The following MKI67 variants were observed in gnomAD, a reference collection of about 807,000 sequenced individuals.
MKI67 encodes the protein marker of proliferation Ki-67, also known as proliferation marker protein Ki-67.
A neutral mutation model predicts 233.5 loss-of-function variants in MKI67; 152 were observed. The observed-to-expected ratio is 0.65, with a 90% CI of 0.57 to 0.74. The LOEUF is 0.74. Ranked by LOEUF, MKI67 falls within the 30% of genes least tolerant of loss-of-function variation. The pLI is 0.00. For synonymous variants in MKI67, 1,465 were observed against 1,418.5 expected (o/e 1.03, Z -0.74); for missense variants, 3,940 against 3,885.2 (o/e 1.01, Z -0.37).
Position 128,098,031 on chromosome 10 carries a change from C to A in MKI67, c.*1159G>T, listed in dbSNP as rs1484082349. 1 of 152,242 alleles carries A rather than the reference C, an allele frequency of 6.6e-6. No individual in the cohort carries two copies. Among genetic ancestry groups the A allele is most frequent in the African/African-American group, 2.4e-5 (1 of 41,462 alleles). 9.4% of individuals were successfully genotyped at this position (152,242 alleles called of 1,614,324 possible). ...TACCCTGTCTGGTGCACCATCCTCA[C>A]CTGCACCTGGCAAGGTGGGTGAATG... On this transcript the variant is annotated 3_prime_UTR_variant, in exon 15 of 15. Coordinates refer to ENST00000368654, the MANE Select transcript of MKI67 (RefSeq NM_002417.5).
In MKI67 at chr10:128,112,237, C is replaced by A; in HGVS notation, c.1865G>T (p.Gly622Val). Residue 622 changes from glycine (G) to valine (V), a missense_variant, in exon 9 of 15, where the codon GGC becomes GTC. Physicochemically the swap from Gly to Val is moderately radical, Grantham distance 109 (BLOSUM62 -3). Coordinates refer to ENST00000368654, the MANE Select transcript of MKI67 (RefSeq NM_002417.5). ...AGACACTCTCTTTGAAGGCAGGTTG[C>A]CACTCTTTCTCCCTCCTCTCTTAGG... ...EVPKRGGRKS[G>V]NLPSKRVSIS... 3 of 1,614,120 alleles carry A rather than the reference C, an allele frequency of 1.9e-6. No homozygotes were observed. Among genetic ancestry groups the A allele is most frequent in the African/African-American group, 2.7e-5 (2 of 75,030 alleles).
rs1272256528 is a variant in MKI67, at chr10:128,103,025, C to T, written c.8815G>A (p.Ala2939Thr). The T allele has an allele frequency of 1.2e-6, 2 of 1,614,268 alleles. No homozygotes were observed. The highest frequency in any genetic ancestry group is 1.7e-6 in the Non-Finnish European group (2 of 1,180,044). ...GHTEELANGA[A>T]DSFTSAPKQT... ...TTTGGAGCGCTTGTAAAGCTATCAG[C>T]AGCACCATTTGCCAGTTCCTCAGTG... is the stretch of plus-strand genomic sequence containing the variant. The change falls in exon 13 of 15, where the codon GCT becomes ACT. Residue 2939 changes from alanine (A) to threonine (T), a missense_variant. Transcript: ENST00000368654.
At chr10:128,101,183 C>T in intron 14 of MKI67, 75 bp downstream of exon 14, 20 of 1,450,452 alleles carry the variant, frequency 1.4e-5, no homozygotes, top group Admixed American at 1.2e-4. Flanking sequence ...TTTTTGTTTG[C>T]CTTTGCAACC....
chr10:128,118,812 T>C (rs1852864443), intron 5 of MKI67, among the ~76,000 whole-genome samples: 1 of 152,226 alleles, frequency 6.6e-6, no homozygotes, highest in African/African-American at 2.4e-5. Flanking sequence ...ATGGGTCGTC[T>C]ATCTATCAAA....
Position 128,107,433 on chromosome 10 carries a change from G to T in MKI67, c.4407C>A (p.Gly1469=). The T allele has an allele frequency of 6.2e-7, 1 of 1,614,132 alleles. No homozygotes were observed. Among genetic ancestry groups the T allele is most frequent in the Non-Finnish European group, 8.5e-7 (1 of 1,180,020 alleles). ...EKAQPLEDLA[G]LKELFQTPVC... The stretch of plus-strand genomic sequence containing the variant: ...CTGGTGTCTGGAAGAGCTCTTTCAA[G>T]CCAGCCAGGTCTTCTAGGGGTTGGG... The change falls in exon 13 of 15, where the codon GGC becomes GGA. Residue 1469 remains glycine, a synonymous_variant. Coordinates refer to ENST00000368654, the MANE Select transcript of MKI67 (RefSeq NM_002417.5).
In MKI67 at chr10:128,125,567, G is replaced by C. The variant is rs1853037295; in HGVS notation, c.92+9C>G. On this transcript the variant is annotated intron_variant, in intron 2 of 14. Coordinates refer to ENST00000368654, the MANE Select transcript of MKI67 (RefSeq NM_002417.5). The surrounding 1 kb of genome is among the most constrained non-coding windows in gnomAD (Gnocchi z 5.3). ...AGCTAAAACGTCCGCGCGCGCCCGC[G>C]GGGCTCACCTTCCAAACAAGCAGGT... The C allele has an allele frequency of 6.2e-7, 1 of 1,610,880 alleles. No individual in the cohort carries two copies. Among genetic ancestry groups the C allele is most frequent in the Non-Finnish European group, 8.5e-7 (1 of 1,178,468 alleles).
chr10:128,110,317 A>G, intron 12 of MKI67, 61 bp downstream of exon 12: 1 of 1,323,244 alleles, frequency 7.6e-7, no homozygotes, highest in Non-Finnish European at 1.0e-6. Context: ...TGCTTGTAAA[A>G]AAATAATACT....
In MKI67 at chr10:128,123,189, G is replaced by GT. The variant is rs763026097; in HGVS notation, c.93-21dup. 21 of 1,573,956 alleles carry GT rather than the reference G, an allele frequency of 1.3e-5. No homozygotes were observed. The highest frequency in any genetic ancestry group is 8.1e-5 in the African/African-American group (6 of 74,054). ...ATACCCCTTCATGCAAAAGAAGAAG[G>GT]TTTTTTTGGTTGCTGCAACTTTTTA... On this transcript the variant is annotated intron_variant, in intron 2 of 14. Coordinates refer to ENST00000368654, the MANE Select transcript of MKI67 (RefSeq NM_002417.5).
intron 5 of MKI67, among the ~76,000 whole-genome samples, chr10:128,118,809 G>A (rs189156123): frequency 4.1e-4 from 62 of 152,234 alleles, no homozygotes; most frequent in African/African-American, 1.3e-3. Context: ...TTCATGGGTC[G>A]TCTATCTATC....
chr10:128,108,507 T>G lies in MKI67; in HGVS notation c.3333A>C (p.Thr1111=). Residue 1111 remains threonine (T), a synonymous_variant, in exon 13 of 15, where the codon ACA becomes ACC. Coordinates refer to ENST00000368654, the MANE Select transcript of MKI67 (RefSeq NM_002417.5). Reference sequence around the variant, plus strand: ...TCATTGATTCCTCAGAGGGACCTGGTGTCTGGAAGAGCTCTTTGAAGCCAG... The same window carrying G: ...TCATTGATTCCTCAGAGGGACCTGGGGTCTGGAAGAGCTCTTTGAAGCCAG... ...DLAGFKELFQ[T]PGPSEESMTD... The G allele has an allele frequency of 1.9e-6, 3 of 1,610,414 alleles. No individual in the cohort carries two copies. Among genetic ancestry groups the G allele is most frequent in the Non-Finnish European group, 2.5e-6 (3 of 1,178,868 alleles).
In MKI67 at chr10:128,115,059, G is replaced by A. The variant is rs373888551; in HGVS notation, c.1349C>T (p.Thr450Ile). 1.3e-4 allele frequency: 203 copies of A among 1,613,590 alleles called. 1 individual carries two copies. The South Asian group carries it at 1.6e-3, about 13-fold the overall frequency. The change falls in exon 7 of 15, where the codon ACT becomes ATT. Residue 450 changes from threonine (T) to isoleucine (I), a missense_variant. Thr to Ile is a moderately conservative substitution (Grantham distance 89, BLOSUM62 -1). Coordinates refer to ENST00000368654, the MANE Select transcript of MKI67 (RefSeq NM_002417.5). ...HNEPFLTLWL[T>I]QVERKIQKDS... ...CTTTTGGATCTTCCTCTCAACTTGA[G>A]TGAGCCACAGAGTTAAAAATGGCTC...
chr10:128,119,941 A>G (rs945635876), intron 4 of MKI67, among the ~76,000 whole-genome samples: 1 of 152,192 alleles, frequency 6.6e-6, no homozygotes, highest in African/African-American at 2.4e-5. Flanking sequence ...CATAGAAGCA[A>G]TCCTTTATTT....
At chr10:128,099,531 A>C (rs1438749418) in intron 14 of MKI67, among the ~76,000 whole-genome samples, 2 of 152,238 alleles carry the variant, frequency 1.3e-5, no homozygotes, top group African/African-American at 4.8e-5. Context: ...ATTCATAATA[A>C]AATTTCTTCA....
chr10:128,119,896 T>A (rs905782613), intron 4 of MKI67, among the ~76,000 whole-genome samples: 2 of 152,240 alleles, frequency 1.3e-5, no homozygotes, highest in African/African-American at 4.8e-5. Flanking sequence ...TTTAGCAAGA[T>A]ACATAATTGT....
Position 128,125,515 on chromosome 10 carries a change from T to C in MKI67, c.92+61A>G. 7.3e-7 allele frequency: 1 copy of C among 1,375,382 alleles called. No homozygotes were observed. Among genetic ancestry groups the C allele is most frequent in the Non-Finnish European group, 1.0e-6 (1 of 966,562 alleles). 85.2% of individuals were successfully genotyped at this position (1,375,382 alleles called of 1,614,324 possible). A position where few individuals can be genotyped will look rare whatever the true frequency, so the allele number is the denominator to read the frequency against. On this transcript the variant is annotated intron_variant, in intron 2 of 14. Transcript: ENST00000368654. This position sits in a 1 kb window ranked among gnomAD's most constrained non-coding sequence, Gnocchi z 5.3. ...TAGAGCGCGTTTCTGGACTTTATTC[T>C]GTGACTAAGGTATTTTCCTCTTTCT...
At chr10:128,120,967 C>T (rs1312210683) in intron 4 of MKI67, among the ~76,000 whole-genome samples, 1 of 152,124 alleles carries the variant, frequency 6.6e-6, no homozygotes. Flanking sequence ...CAAGAGACAA[C>T]TTAAACCATA....
In MKI67 at chr10:128,099,247, G is replaced by T. The variant is rs763466207; in HGVS notation, c.9714C>A (p.Asp3238Glu). The part of the protein sequence containing the change: ...RCAENPKKAE[D>E]NVCVKKIRTR... ...TTCTTATTTTCTTGACACACACATT[G>T]TCCTCAGCCTGTGTGGGAAGAAAAA... Residue 3238 changes from aspartate to glutamate, a missense_variant, in exon 15 of 15, where the codon GAC (aspartate) becomes GAA (glutamate). By Grantham distance (45) the Asp-to-Glu change is conservative. Coordinates refer to ENST00000368654, the MANE Select transcript of MKI67 (RefSeq NM_002417.5). 6.2e-7 allele frequency: 1 copy of T among 1,611,922 alleles called. No individual in the cohort carries two copies. The highest frequency in any genetic ancestry group is 1.7e-5 in the Admixed American group (1 of 59,702).
intron 4 of MKI67, 49 bp downstream of exon 4, chr10:128,122,832 G>A (rs1852977192): frequency 1.1e-6 from 1 of 918,246 alleles, no homozygotes; most frequent in Non-Finnish European, 1.7e-6. Context: ...CTAGTTTATG[G>A]TTAATCAGAA....
Position 128,110,456 on chromosome 10 carries a change from A to C in MKI67, c.2338T>G (p.Ser780Ala). The change falls in exon 12 of 15, where the codon TCA becomes GCA. Residue 780 changes from serine (S) to alanine (A), a missense_variant. Transcript: ENST00000368654. The stretch of plus-strand genomic sequence containing the variant: ...AACTGTTTTCCAAGCAAATTCTCTG[A>C]ATTTGAAATAGCGATGTGACATGTG... ...TSTCHIAISNSENLLGKQFQG... is the reference protein window; with the variant it reads ...TSTCHIAISNAENLLGKQFQG... The C allele has an allele frequency of 6.3e-7, 1 of 1,589,444 alleles. No individual in the cohort carries two copies. The highest frequency in any genetic ancestry group is 8.6e-7 in the Non-Finnish European group (1 of 1,160,204).
Sources: allele counts gnomAD v4.1 joint callset (sites outside exome capture counted in the v4.1 genomes callset), GRCh38; gene constraint gnomAD v4.1.1; non-coding constraint Gnocchi (gnomAD v3.1); transcripts MANE v1.5; gene names NCBI Gene and HGNC (gene_info 2026-07-23, HGNC 2026-07-21).